Variants in ANK2 observed in about 807,000 individuals in gnomAD.
ANK2 encodes the protein ankyrin-2.
A neutral mutation model predicts 360.5 loss-of-function variants in ANK2; 83 were observed. That is an observed-to-expected ratio of 0.23 (90% confidence interval 0.19 to 0.28). ANK2 has a LOEUF of 0.28. Ranked by LOEUF, ANK2 falls within the 10% of genes least tolerant of loss-of-function variation. The pLI is 1.00. For missense variants in ANK2, 4,201 were observed against 4,795.7 expected (o/e 0.88, Z 3.66); for synonymous variants, 1,740 against 1,759.5 (o/e 0.99, Z 0.28).
At chr4:112,816,108 T>C (rs1197958088), upstream of ANK2, among the ~76,000 whole-genome samples, 1 of 152,184 alleles carries the variant, frequency 6.6e-6, no homozygotes. Flanking sequence ...CTTGTGGAAC[T>C]GAGCCCTTAA....
chr4:113,356,905 A>C lies in ANK2; in HGVS notation c.8287A>C (p.Asn2763His), dbSNP rs1484629154. The C allele has an allele frequency of 4.3e-6, 7 of 1,613,966 alleles. No homozygotes were observed. The highest frequency in any genetic ancestry group is 5.9e-6 in the Non-Finnish European group (7 of 1,179,984). ...EAEDRSYDKL[N>H]RDTDQPKICD... ...TGAAGACAGGTCTTATGATAAGCTA[A>C]ACAGAGACACTGATCAGCCAAAAAT... Residue 2763 changes from asparagine to histidine, a missense_variant, in exon 38 of 46, where the codon AAC becomes CAC. Coordinates refer to ENST00000357077, the MANE Select transcript of ANK2 (RefSeq NM_001148.6).
intron 4 of ANK2, among the ~76,000 whole-genome samples, chr4:113,212,749 C>T (rs1035105663): frequency 5.9e-5 from 9 of 152,294 alleles, no homozygotes; most frequent in Admixed American, 4.6e-4. Flanking sequence ...AATCCATGTT[C>T]GGCATTTAGA....
At chr4:112,990,946 T>TTTTC (rs2046522880) in intron 2 of ANK2, among the ~76,000 whole-genome samples, 1 of 152,146 alleles carries the variant, frequency 6.6e-6, no homozygotes, top group South Asian at 2.1e-4. Flanking sequence ...TTCATCCTAA[T>TTTTC]TTTCTTTCTT....
intron 10 of ANK2, among the ~76,000 whole-genome samples, chr4:113,251,571 C>G (rs2046414046): frequency 6.7e-6 from 1 of 150,134 alleles, no homozygotes; most frequent in Non-Finnish European, 1.5e-5. Flanking sequence ...CAAGCTCTGC[C>G]TCCTGGGTTC....
chr4:113,298,710 C>T (rs1269923191), intron 22 of ANK2, among the ~76,000 whole-genome samples: 1 of 152,116 alleles, frequency 6.6e-6, no homozygotes, highest in East Asian at 1.9e-4. Flanking sequence ...CTCATTTTAA[C>T]TTTTAAAGTA....
At chr4:113,309,154 T>TA (rs1276997115) in intron 23 of ANK2, among the ~76,000 whole-genome samples, 13 of 152,358 alleles carry the variant, frequency 8.5e-5, no homozygotes, top group Non-Finnish European at 1.9e-4. Context: ...TATATACATC[T>TA]AACTGTCTTC....
chr4:112,735,511 A>G, the ANK2 span, among the ~76,000 whole-genome samples: 1 of 151,828 alleles, frequency 6.6e-6, no homozygotes, highest in East Asian at 1.9e-4. Flanking sequence ...TCCTGTCTCT[A>G]CCTGTCAACA....
intron 1 of ANK2, among the ~76,000 whole-genome samples, chr4:113,125,706 A>G (rs2095624509): frequency 1.3e-5 from 2 of 152,166 alleles, no homozygotes; most frequent in South Asian, 2.1e-4. Context: ...TGATTAAGAC[A>G]GTTGGTAGAA....
intron 2 of ANK2, among the ~76,000 whole-genome samples, chr4:112,957,770 C>T (rs538558576): frequency 2.5e-3 from 369 of 149,770 alleles, no homozygotes; most frequent in Non-Finnish European, 4.4e-3. Context: ...GGGTGGCTGC[C>T]GGGCGGAGGG....
At chr4:112,753,658 C>T in the ANK2 span, among the ~76,000 whole-genome samples, 1 of 152,156 alleles carries the variant, frequency 6.6e-6, no homozygotes, top group Admixed American at 6.6e-5. Context: ...ACCAAGATGG[C>T]CATGAGAGTG....
intron 1 of ANK2, among the ~76,000 whole-genome samples, chr4:113,123,992 A>C (rs780654408): frequency 1.7e-4 from 26 of 152,326 alleles, no homozygotes; most frequent in Non-Finnish European, 3.2e-4. Flanking sequence ...ACAAGTGTTT[A>C]AGAGATAAGT....
chr4:112,712,119 G>A, the ANK2 span, among the ~76,000 whole-genome samples: 7 of 148,190 alleles, frequency 4.7e-5, no homozygotes, highest in East Asian at 3.9e-4. Context: ...GTCTCACTTC[G>A]TCCTCTAGGC....
intron 18 of ANK2, among the ~76,000 whole-genome samples, chr4:113,283,330 C>A (rs1302029681): frequency 6.6e-6 from 1 of 152,180 alleles, no homozygotes; most frequent in Non-Finnish European, 1.5e-5. Flanking sequence ...CCACCCAAGG[C>A]ATTCTTTAGT....
At chr4:113,317,838 G>T in intron 25 of ANK2, 29 bp downstream of exon 25, 5 of 1,555,458 alleles carry the variant, frequency 3.2e-6, no homozygotes, top group Non-Finnish European at 4.4e-6. Flanking sequence ...TCATGTCTTT[G>T]CTTTCTGGAG....
chr4:113,315,157 C>G (rs1178283655), intron 24 of ANK2, among the ~76,000 whole-genome samples: 2 of 152,184 alleles, frequency 1.3e-5, no homozygotes, highest in Non-Finnish European at 2.9e-5. Context: ...CAGTACAAAA[C>G]CAATTGAGAG....
intron 23 of ANK2, among the ~76,000 whole-genome samples, chr4:113,305,168 G>A (rs1587763110): frequency 1.3e-5 from 2 of 150,566 alleles, no homozygotes; most frequent in East Asian, 1.9e-4. Flanking sequence ...GTGAAACCCC[G>A]TCTCTACTAA....
At chr4:112,775,063 G>C in the ANK2 span, among the ~76,000 whole-genome samples, 2 of 152,108 alleles carry the variant, frequency 1.3e-5, no homozygotes, top group Admixed American at 6.6e-5. Context: ...GGATGCTTTT[G>C]TGTTTGGACC....
chr4:112,841,438 T>G (rs191433098), intron 1 of ANK2, among the ~76,000 whole-genome samples: 26 of 152,344 alleles, frequency 1.7e-4, no homozygotes, highest in Admixed American at 1.4e-3. Flanking sequence ...GGAGAGTTAT[T>G]TGACCTGAGT....
At chr4:113,122,477 G>A (rs1461048735) in intron 1 of ANK2, among the ~76,000 whole-genome samples, 2 of 152,090 alleles carry the variant, frequency 1.3e-5, no homozygotes, top group African/African-American at 4.8e-5. Context: ...TGGGAAATCT[G>A]AGTCAACAGT....
Sources: allele counts gnomAD v4.1 joint callset (sites outside exome capture counted in the v4.1 genomes callset), GRCh38; gene constraint gnomAD v4.1.1; transcripts MANE v1.5; gene names NCBI Gene and HGNC (gene_info 2026-07-23, HGNC 2026-07-21).